NCAM2: variants seen among roughly 807,000 people sequenced by gnomAD.
The protein encoded by NCAM2 is N-CAM-2.
Under a neutral mutation model 98.1 loss-of-function variants are expected in NCAM2, and 30 were observed. The ratio of observed to expected loss-of-function variants is 0.31; its 90% confidence interval spans 0.23 to 0.41. The LOEUF (loss-of-function observed/expected upper bound fraction) is 0.41, where lower values mean the gene tolerates loss of function less well. Among genes scored for constraint, NCAM2 ranks in the 10% least tolerant of loss-of-function variants. The pLI is 1.00. For synonymous variants in NCAM2, 368 were observed against 342.4 expected (o/e 1.07, Z -0.83); for missense variants, 867 against 1,005.8 (o/e 0.86, Z 1.87).
chr21:21,023,928 G>T (rs1185372949), intron 1 of NCAM2, among the ~76,000 whole-genome samples: 1 of 152,120 alleles, frequency 6.6e-6, no homozygotes, highest in African/African-American at 2.4e-5. Context: ...TGAGGATTTT[G>T]GCTTTAATGT....
Position 21,516,262 on chromosome 21 carries a change from T to C in NCAM2, c.2282+7207T>C, listed in dbSNP as rs1224329206. ...TCTGAGAAATAAGAATAAAAATCCT[T>C]GCACAGGCATTTCATAACATCAGTG... On this transcript the variant is annotated intron_variant, in intron 16 of 17. Coordinates refer to ENST00000400546, the MANE Select transcript of NCAM2 (RefSeq NM_004540.5). Among the ~76,000 whole-genome samples the C allele has an allele frequency of 7.9e-5, 12 of 152,280 alleles. No homozygotes were observed. The East Asian group carries it at 2.3e-3, about 29-fold the overall frequency.
At chr21:21,207,683 A>G (rs1601647201) in intron 1 of NCAM2, among the ~76,000 whole-genome samples, 1 of 152,302 alleles carries the variant, frequency 6.6e-6, no homozygotes, top group Non-Finnish European at 1.5e-5. Context: ...CCAAATACCT[A>G]TTCCAGGATG....
chr21:21,534,774 CT>C, intron 17 of NCAM2, 118 bp downstream of exon 17: 1 of 1,057,352 alleles, frequency 9.5e-7, no homozygotes, highest in East Asian at 3.2e-5. Context: ...TGTGCTTTTA[CT>C]TTTTTGATGA....
At chr21:21,200,982 G>A (rs2069198259) in intron 1 of NCAM2, among the ~76,000 whole-genome samples, 1 of 151,910 alleles carries the variant, frequency 6.6e-6, no homozygotes, top group Non-Finnish European at 1.5e-5. Flanking sequence ...GTGGATAATT[G>A]GAGAATACTT....
chr21:21,185,474 T>C (rs2068610544), intron 1 of NCAM2, among the ~76,000 whole-genome samples: 1 of 152,190 alleles, frequency 6.6e-6, no homozygotes, highest in Non-Finnish European at 1.5e-5. Flanking sequence ...ATTTCTACTT[T>C]ACTTGTAAAA....
intron 1 of NCAM2, among the ~76,000 whole-genome samples, chr21:21,194,830 A>T (rs1490801775): frequency 2.0e-5 from 3 of 152,150 alleles, no homozygotes; most frequent in African/African-American, 7.2e-5. Flanking sequence ...ATCCATCACC[A>T]CTCATGTTGT....
chr21:21,331,509 C>CTATATATATGTATATATA, intron 6 of NCAM2, among the ~76,000 whole-genome samples: 1 of 5,028 alleles, frequency 2.0e-4, no homozygotes, highest in Non-Finnish European at 4.1e-4. Flanking sequence ...ACTCTATACT[C>CTATATATATGTATATATA]TCTCTCTCTA....
intron 15 of NCAM2, among the ~76,000 whole-genome samples, chr21:21,495,136 A>T (rs1452102432): frequency 1.3e-5 from 2 of 151,958 alleles, no homozygotes; most frequent in African/African-American, 4.8e-5. Context: ...ATGGGGGGCT[A>T]CTTAAAATTC....
chr21:21,337,459 C>T (rs977566781), intron 7 of NCAM2, among the ~76,000 whole-genome samples: 1 of 151,934 alleles, frequency 6.6e-6, no homozygotes, highest in East Asian at 1.9e-4. Flanking sequence ...ATTCTGTATG[C>T]TGTTTTTCTG....
intron 1 of NCAM2, among the ~76,000 whole-genome samples, chr21:21,106,015 G>T (rs1010680136): frequency 6.6e-6 from 1 of 151,964 alleles, no homozygotes; most frequent in Non-Finnish European, 1.5e-5. Context: ...AACTATATAT[G>T]TCCATGTTAT....
chr21:21,479,734 A>C (rs80026670), intron 15 of NCAM2, among the ~76,000 whole-genome samples: 5,741 of 151,048 alleles, frequency 0.038, 296 homozygotes, highest in African/African-American at 0.12. Flanking sequence ...CTCTCTCTAT[A>C]TATATATATT....
At chr21:21,169,492 A>C (rs2068052883) in intron 1 of NCAM2, among the ~76,000 whole-genome samples, 1 of 152,222 alleles carries the variant, frequency 6.6e-6, no homozygotes. Flanking sequence ...TGTCAGGAGA[A>C]TGAGAAGTGA....
At chr21:21,421,078 A>G (rs1374362924) in intron 11 of NCAM2, among the ~76,000 whole-genome samples, 1 of 151,722 alleles carries the variant, frequency 6.6e-6, no homozygotes, top group African/African-American at 2.4e-5. Flanking sequence ...GTATATTGCC[A>G]TTTCGTAAAT....
At chr21:21,008,410 T>G (rs2064148944) in intron 1 of NCAM2, among the ~76,000 whole-genome samples, 1 of 152,176 alleles carries the variant, frequency 6.6e-6, no homozygotes, top group African/African-American at 2.4e-5. Context: ...GTGGGACATA[T>G]TAATTGACAA....
At chr21:21,368,607 G>C (rs1478651352) in intron 8 of NCAM2, among the ~76,000 whole-genome samples, 1 of 151,860 alleles carries the variant, frequency 6.6e-6, no homozygotes, top group Non-Finnish European at 1.5e-5. Context: ...CAAAGATGCT[G>C]TTTTCTTCTT....
chr21:21,456,563 A>T lies in NCAM2; in HGVS notation c.1655-10043A>T, dbSNP rs73324887. Among the ~76,000 whole-genome samples, 856 of 152,290 alleles carry T rather than the reference A, an allele frequency of 5.6e-3. 7 individuals carry two copies. Among genetic ancestry groups the T allele is most frequent in the African/African-American group, 0.02 (822 of 41,558 alleles). ...TGTGTCCTCTAATAGTTTAAATTAA[A>T]TTTTAAAAAGATCTTACACCATATG... is the stretch of plus-strand genomic sequence containing the variant. On this transcript the variant is annotated intron_variant, in intron 12 of 17. Transcript: ENST00000400546.
At chr21:21,176,160 C>T (rs1456981459) in intron 1 of NCAM2, among the ~76,000 whole-genome samples, 2 of 152,078 alleles carry the variant, frequency 1.3e-5, no homozygotes, top group Non-Finnish European at 2.9e-5. Flanking sequence ...AGAGATAACA[C>T]CTGTGAATTA....
chr21:21,098,101 A>T (rs2066161630), intron 1 of NCAM2, among the ~76,000 whole-genome samples: 1 of 150,052 alleles, frequency 6.7e-6, no homozygotes, highest in African/African-American at 2.4e-5. Context: ...TACTACACAT[A>T]TATATGGAAT....
intron 1 of NCAM2, among the ~76,000 whole-genome samples, chr21:21,027,772 G>A (rs75453435): frequency 6.6e-6 from 1 of 151,676 alleles, no homozygotes; most frequent in Non-Finnish European, 1.5e-5. Flanking sequence ...ACATTATTTT[G>A]TAGTTACTTC....
Sources: gnomAD v4.1 joint callset for allele counts (sites outside exome capture counted in the v4.1 genomes callset) on GRCh38, gnomAD v4.1.1 for gene constraint, MANE v1.5 for transcripts, NCBI Gene and HGNC (gene_info 2026-07-23, HGNC 2026-07-21) for gene names.